RAB3B: variants seen among roughly 807,000 people sequenced by gnomAD.
RAB3B encodes RAB3B, member RAS oncogene family.
RAB3B carries 11 observed loss-of-function variants against 20.5 expected under a neutral mutation model. The observed-to-expected ratio is 0.54, with a 90% confidence interval of 0.34 to 0.89. The LOEUF is 0.89. Ranked by LOEUF, RAB3B falls within the 40% of genes least tolerant of loss-of-function variation. The pLI is 0.02. For synonymous variants in RAB3B, 99 were observed against 106.3 expected, an observed-to-expected ratio of 0.93 and a Z score of 0.42; for missense variants, 225 against 280.9, an observed-to-expected ratio of 0.80 and a Z score of 1.42.
chr1:51,920,175 TGCCCTCAGCCCAA>T, intron 4 of RAB3B, 61 bp from the exon 5 acceptor site: 1 of 1,471,316 alleles, frequency 6.8e-7, no homozygotes, highest in Non-Finnish European at 9.3e-7. Context: ...AACCCTTCTG[TGCCCTCAGCCCAA>T]GCACTCTGGA....
rs1034600790 is a variant in RAB3B, at chr1:51,919,699, T to C, written c.*228A>G. The stretch of plus-strand genomic sequence containing the variant: ...ACAGAGTCTTCTTTTGTAAAGTGAT[T>C]CTGCACCCGTGTAGTGACCTGTTAT... On this transcript the variant is annotated 3_prime_UTR_variant, in exon 5 of 5. Transcript: ENST00000371655. The C allele has an allele frequency of 4.8e-6, 2 of 417,586 alleles. No individual in the cohort carries two copies. The highest frequency in any genetic ancestry group is 8.5e-6 in the Non-Finnish European group (2 of 235,998). 25.9% of individuals were successfully genotyped at this position (417,586 alleles called of 1,614,324 possible).
intron 2 of RAB3B, among the ~76,000 whole-genome samples, chr1:51,958,262 T>C (rs1487765774): frequency 6.6e-6 from 1 of 152,162 alleles, no homozygotes; most frequent in East Asian, 1.9e-4. Flanking sequence ...CTTAGTCCAT[T>C]TGTCAACTTT....
chr1:51,912,437 G>C lies in RAB3B; in HGVS notation c.*7490C>G, dbSNP rs1684013200. ...GAGATTGCCATTGAGGCTGGATGCG[G>C]TGGCTCATACGTACAATCCTAGTGA... On this transcript the variant is annotated 3_prime_UTR_variant, in exon 5 of 5. Coordinates refer to ENST00000371655, the MANE Select transcript of RAB3B (RefSeq NM_002867.4). 1 of 149,310 alleles carries C rather than the reference G, an allele frequency of 6.7e-6. No individual in the cohort carries two copies. Among genetic ancestry groups the C allele is most frequent in the African/African-American group, 2.5e-5 (1 of 40,524 alleles). The allele number at this position is 149,310 out of a possible 1,614,324, so 9.2% of individuals were successfully genotyped here.
At chr1:51,927,518 G>C (rs1684260339) in intron 4 of RAB3B, among the ~76,000 whole-genome samples, 1 of 152,306 alleles carries the variant, frequency 6.6e-6, no homozygotes, top group African/African-American at 2.4e-5. Context: ...GCTCAAGCCT[G>C]TAATCCCAGC....
chr1:51,980,183 C>T (rs1045931738), intron 1 of RAB3B, among the ~76,000 whole-genome samples: 2 of 152,162 alleles, frequency 1.3e-5, no homozygotes, highest in African/African-American at 4.8e-5. Context: ...AATCCCAGAA[C>T]TTTGGGAGGC....
chr1:51,976,498 C>G (rs1031673755), intron 2 of RAB3B, among the ~76,000 whole-genome samples: 2 of 152,160 alleles, frequency 1.3e-5, no homozygotes, highest in Non-Finnish European at 2.9e-5. Context: ...AAGGACCCAA[C>G]AGCCTTATGA....
At chr1:51,953,991 G>A (rs1378516648) in intron 2 of RAB3B, among the ~76,000 whole-genome samples, 3 of 152,142 alleles carry the variant, frequency 2.0e-5, no homozygotes, top group Admixed American at 1.3e-4. Context: ...CCGAGAATCT[G>A]TCTAAAGGAA....
intron 2 of RAB3B, among the ~76,000 whole-genome samples, chr1:51,954,752 T>C (rs1255575432): frequency 2.0e-5 from 3 of 152,260 alleles, no homozygotes; most frequent in East Asian, 3.8e-4. Context: ...GTTTGTAAAA[T>C]ACCATATTTC....
At chr1:51,936,361 G>A (rs1211722077) in intron 3 of RAB3B, among the ~76,000 whole-genome samples, 2 of 152,152 alleles carry the variant, frequency 1.3e-5, no homozygotes, top group Non-Finnish European at 2.9e-5. Context: ...TGCATATTGA[G>A]CCTTGATGAA....
Position 51,908,584 on chromosome 1 carries a change from CAAT to C in RAB3B, c.*11340_*11342del, listed in dbSNP as rs374322611. 8.6e-5 allele frequency: 13 copies of C among 151,962 alleles called. No individual in the cohort carries two copies. The highest frequency in any genetic ancestry group is 3.1e-4 in the African/African-American group (13 of 41,450). 9.4% of individuals were successfully genotyped at this position (151,962 alleles called of 1,614,324 possible). On this transcript the variant is annotated 3_prime_UTR_variant, in exon 5 of 5. Transcript: ENST00000371655. ...TCTGTTGGGGTTGTGGGGCTGACAA[CAAT>C]GTGTTCCTTTCCTTCCTTCTCTCCC...
chr1:51,987,834 C>T (rs1685171307), intron 1 of RAB3B, among the ~76,000 whole-genome samples: 1 of 152,178 alleles, frequency 6.6e-6, no homozygotes, highest in Non-Finnish European at 1.5e-5. Context: ...AGTTGGTCCT[C>T]TGAATATACA....
chr1:51,965,946 A>G (rs538474330), intron 2 of RAB3B, among the ~76,000 whole-genome samples: 1 of 152,350 alleles, frequency 6.6e-6, no homozygotes, highest in East Asian at 1.9e-4. Context: ...AAAATTACCC[A>G]AAGATTTAAA....
At chr1:51,973,640 T>C (rs1277825190) in intron 2 of RAB3B, 1 of 152,236 alleles carries the variant, frequency 6.6e-6, no homozygotes, top group Non-Finnish European at 1.5e-5. Flanking sequence ...TCTTCTAGCA[T>C]AGTCTTCAAT....
At position 51,929,330 on chromosome 1, in the gene RAB3B, C is replaced by CTTTTTTTTTTTTTTT. The variant is rs956055193; in HGVS notation, c.472+3987_472+3988insAAAAAAAAAAAAAAA. On this transcript the variant is annotated intron_variant, in intron 4 of 4. Transcript: ENST00000371655. ...TTACAGGAGCTAATACATTCTCTCCCTTTTTTTTTCTTTTTGAGATGGAGT... is the reference window on the plus strand; with the variant it reads ...TTACAGGAGCTAATACATTCTCTCCCTTTTTTTTTTTTTTTTTTTTTTTTCTTTTTGAGATGGAGT... 4.0e-5 allele frequency among the ~76,000 whole-genome samples: 6 copies of CTTTTTTTTTTTTTTT among 151,240 alleles called. No individual in the cohort carries two copies. The South Asian group carries it at 1.1e-3, about 27-fold the overall frequency.
At chr1:51,973,131 T>C (rs1244004418) in intron 2 of RAB3B, among the ~76,000 whole-genome samples, 1 of 152,218 alleles carries the variant, frequency 6.6e-6, no homozygotes, top group East Asian at 1.9e-4. Context: ...CCAGTGCCTA[T>C]GGTGGTGGTC....
chr1:51,936,412 G>A (rs953360309), intron 3 of RAB3B, among the ~76,000 whole-genome samples: 1 of 152,130 alleles, frequency 6.6e-6, no homozygotes, highest in African/African-American at 2.4e-5. Flanking sequence ...CTCAGCCCAG[G>A]GATAAACTTT....
At chr1:51,980,449 C>T (rs1351059854) in intron 1 of RAB3B, 2 of 537,496 alleles carry the variant, frequency 3.7e-6, no homozygotes, top group Non-Finnish European at 6.7e-6. Context: ...AAAAAACCTC[C>T]TCTCTCCAGT....
chr1:51,989,726 T>C (rs939780188), intron 1 of RAB3B, among the ~76,000 whole-genome samples: 1 of 151,664 alleles, frequency 6.6e-6, no homozygotes, highest in African/African-American at 2.4e-5. Context: ...ACCGGCTCCC[T>C]GCCCCCTTCC....
At chr1:51,949,938 T>C (rs1387823134) in intron 2 of RAB3B, among the ~76,000 whole-genome samples, 1 of 152,124 alleles carries the variant, frequency 6.6e-6, no homozygotes, top group Non-Finnish European at 1.5e-5. Flanking sequence ...TTGACAACTG[T>C]AGGGTGATGA....
Sources: gnomAD v4.1 joint callset for allele counts (sites outside exome capture counted in the v4.1 genomes callset) on GRCh38, gnomAD v4.1.1 for gene constraint, MANE v1.5 for transcripts, NCBI Gene and HGNC (gene_info 2026-07-23, HGNC 2026-07-21) for gene names.